NPFFR2: variants seen among roughly 807,000 people sequenced by gnomAD.
The protein encoded by NPFFR2 is neuropeptide FF receptor 2, also known as G-protein coupled receptor 74.
A neutral mutation model predicts 13.1 loss-of-function variants in NPFFR2; 15 were observed. The observed-to-expected ratio is 1.15, with a 90% CI of 0.77 to 1.76. The LOEUF is 1.76. Among genes scored for constraint, NPFFR2 ranks in the 40% most tolerant of loss-of-function variants. The probability of loss-of-function intolerance (pLI) is 0.00; values close to 1 mark genes in which losing one functional copy is unlikely to be tolerated. For synonymous variants in NPFFR2, 190 were observed against 175.7 expected (o/e 1.08, Z -0.65); for missense variants, 572 against 503.5 (o/e 1.14, Z -1.30).
In NPFFR2 at chr4:72,110,438, C is replaced by G. The variant is rs557085297; in HGVS notation, c.-7-18147C>G. Among the ~76,000 whole-genome samples the G allele has an allele frequency of 4.1e-4, 63 of 152,048 alleles. 1 individual carries two copies. The highest frequency in any genetic ancestry group is 1.3e-3 in the African/African-American group (53 of 41,512). On this transcript the variant is annotated intron_variant, in intron 1 of 3. Coordinates refer to ENST00000308744, the MANE Select transcript of NPFFR2 (RefSeq NM_004885.3). ...CACTGCTCCTGTATGCAGTGATTCC[C>G]TTCTGTGTACTTGCCCACTTCCCAA...
At chr4:72,078,583 C>T (rs943532050) in intron 1 of NPFFR2, among the ~76,000 whole-genome samples, 1 of 152,024 alleles carries the variant, frequency 6.6e-6, no homozygotes, top group Non-Finnish European at 1.5e-5. Flanking sequence ...TAGAAAAGCA[C>T]AGGACTAGAA....
intron 1 of NPFFR2, among the ~76,000 whole-genome samples, chr4:72,040,121 C>G (rs1275648824): frequency 6.6e-6 from 1 of 151,980 alleles, no homozygotes; most frequent in East Asian, 1.9e-4. Flanking sequence ...ATATTGTCGG[C>G]TGCCTTTGTT....
intron 2 of NPFFR2, among the ~76,000 whole-genome samples, chr4:72,131,199 TG>T (rs1179189962): frequency 2.0e-5 from 3 of 151,600 alleles, no homozygotes; most frequent in Non-Finnish European, 2.9e-5. Context: ...AAATTTCAGG[TG>T]GGAAAACAGG....
At chr4:72,110,969 C>G (rs936264842) in intron 1 of NPFFR2, among the ~76,000 whole-genome samples, 3 of 151,930 alleles carry the variant, frequency 2.0e-5, no homozygotes, top group African/African-American at 7.2e-5. Context: ...CTGCAAAAGC[C>G]TAAGTAAGCT....
chr4:72,041,365 A>G (rs937788365), intron 1 of NPFFR2, among the ~76,000 whole-genome samples: 1 of 152,232 alleles, frequency 6.6e-6, no homozygotes, highest in African/African-American at 2.4e-5. Flanking sequence ...TACATGGTGT[A>G]TATGTATCAT....
Position 72,032,154 on chromosome 4 carries a change from G to C in NPFFR2, c.-54G>C. 1.2e-6 allele frequency: 2 copies of C among 1,613,718 alleles called. No individual in the cohort carries two copies. Among genetic ancestry groups the C allele is most frequent in the Non-Finnish European group, 1.7e-6 (2 of 1,179,774 alleles). ...GGACAGAACCTGTTGCTGCAGACGG[G>C]CTTGGTGGATTCTGGTTCCTGCCGC... On this transcript the variant is annotated 5_prime_UTR_variant, in exon 1 of 4. Coordinates refer to ENST00000308744, the MANE Select transcript of NPFFR2 (RefSeq NM_004885.3).
chr4:72,130,855 A>G (rs914735669), intron 2 of NPFFR2, among the ~76,000 whole-genome samples: 1 of 152,150 alleles, frequency 6.6e-6, no homozygotes, highest in African/African-American at 2.4e-5. Flanking sequence ...TCCTCTTGGT[A>G]CCTGAGTTCC....
At chr4:72,101,472 A>T (rs1458720273) in intron 1 of NPFFR2, among the ~76,000 whole-genome samples, 2 of 151,336 alleles carry the variant, frequency 1.3e-5, no homozygotes, top group Non-Finnish European at 3.0e-5. Flanking sequence ...ATTTAAATAA[A>T]ATATTAAAAT....
chr4:72,117,616 G>GAAC (rs1223864351), intron 1 of NPFFR2, among the ~76,000 whole-genome samples: 1 of 152,088 alleles, frequency 6.6e-6, no homozygotes, highest in Admixed American at 6.6e-5. Flanking sequence ...CCAGTTCTTA[G>GAAC]AACAGTACCT....
At chr4:72,124,316 T>G (rs1347601067) in intron 1 of NPFFR2, among the ~76,000 whole-genome samples, 1 of 152,086 alleles carries the variant, frequency 6.6e-6, no homozygotes, top group African/African-American at 2.4e-5. Flanking sequence ...AAAATGGCCT[T>G]CCTGACAAAA....
At chr4:72,099,018 C>T (rs945974755) in intron 1 of NPFFR2, among the ~76,000 whole-genome samples, 3 of 152,100 alleles carry the variant, frequency 2.0e-5, no homozygotes, top group Admixed American at 6.6e-5. Context: ...AGCTCAGTTG[C>T]CAAGTGCAAG....
intron 1 of NPFFR2, among the ~76,000 whole-genome samples, chr4:72,079,168 G>A (rs891700419): frequency 6.6e-6 from 1 of 151,500 alleles, no homozygotes; most frequent in African/African-American, 2.4e-5. Context: ...AGTTACGCAG[G>A]ATGTTACCTT....
chr4:72,123,881 C>T (rs541582783), intron 1 of NPFFR2, among the ~76,000 whole-genome samples: 3 of 152,176 alleles, frequency 2.0e-5, no homozygotes, highest in African/African-American at 4.8e-5. Flanking sequence ...TCTCACCACT[C>T]CTATTCAACA....
intron 1 of NPFFR2, among the ~76,000 whole-genome samples, chr4:72,071,502 T>G (rs550911781): frequency 6.6e-6 from 1 of 152,292 alleles, no homozygotes; most frequent in Admixed American, 6.5e-5. Context: ...ACAATCTGTC[T>G]GATGTAACTA....
chr4:72,140,168 G>A (rs1310138814), intron 3 of NPFFR2, among the ~76,000 whole-genome samples: 10 of 152,144 alleles, frequency 6.6e-5, no homozygotes, highest in African/African-American at 2.4e-4. Context: ...CTGAGATTAT[G>A]GGGTTTTCTA....
intron 1 of NPFFR2, among the ~76,000 whole-genome samples, chr4:72,112,621 A>G (rs114610403): frequency 0.018 from 2,721 of 152,106 alleles, 88 homozygotes; most frequent in African/African-American, 0.062. Context: ...CTGATCATCA[A>G]ATAGACAGGT....
intron 1 of NPFFR2, among the ~76,000 whole-genome samples, chr4:72,126,128 C>G (rs1200214622): frequency 6.6e-6 from 1 of 152,166 alleles, no homozygotes; most frequent in Non-Finnish European, 1.5e-5. Context: ...TGCATTACAT[C>G]AAGGAGCATA....
chr4:72,131,931 T>C (rs916034298), intron 2 of NPFFR2, among the ~76,000 whole-genome samples: 4 of 138,602 alleles, frequency 2.9e-5, no homozygotes, highest in Non-Finnish European at 4.7e-5. Context: ...GAAATAAAAG[T>C]ACAATAAATG....
chr4:72,032,536 G>T (rs74918325), intron 1 of NPFFR2, among the ~76,000 whole-genome samples: 16 of 152,170 alleles, frequency 1.1e-4, no homozygotes, highest in Non-Finnish European at 8.8e-5. Flanking sequence ...TTTCCTTAGC[G>T]GGTCTGAAGC....
Sources: allele counts gnomAD v4.1 joint callset (sites outside exome capture counted in the v4.1 genomes callset), GRCh38; gene constraint gnomAD v4.1.1; transcripts MANE v1.5; gene names NCBI Gene and HGNC (gene_info 2026-07-23, HGNC 2026-07-21).